The following SLC25A36 variants were observed in gnomAD, a reference collection of about 807,000 sequenced individuals.
The protein encoded by SLC25A36 is solute carrier family 25 member 36.
A neutral mutation model predicts 35.3 loss-of-function variants in SLC25A36; 24 were observed. The ratio of observed to expected loss-of-function variants is 0.68; its 90% CI spans 0.49 to 0.96. The LOEUF (loss-of-function observed/expected upper bound fraction) is 0.96. SLC25A36 is among the 40% of genes least tolerant of loss of function. The probability of loss-of-function intolerance (pLI) is 0.00; values close to 1 mark genes in which losing one functional copy is unlikely to be tolerated. For synonymous variants in SLC25A36, 141 were observed against 132.2 expected (o/e 1.07, Z -0.46); for missense variants, 294 against 381.1 (o/e 0.77, Z 1.90).
intron 1 of SLC25A36, among the ~76,000 whole-genome samples, chr3:140,945,035 A>C (rs1251080249): frequency 6.6e-6 from 1 of 152,168 alleles, no homozygotes; most frequent in East Asian, 1.9e-4. Context: ...TGCTATTACA[A>C]AATACCAAAA....
At chr3:140,950,935 T>C (rs1261429986) in intron 1 of SLC25A36, among the ~76,000 whole-genome samples, 1 of 151,606 alleles carries the variant, frequency 6.6e-6, no homozygotes, top group Non-Finnish European at 1.5e-5. Flanking sequence ...TGTGTGTGTG[T>C]GTGTGTAAGG....
At chr3:140,958,309 A>C (rs1190006598) in intron 2 of SLC25A36, among the ~76,000 whole-genome samples, 1 of 152,098 alleles carries the variant, frequency 6.6e-6, no homozygotes, top group African/African-American at 2.4e-5. Context: ...TCATTTCATA[A>C]CTTACTCCAG....
rs1356166003 is a variant in SLC25A36 at position 140,980,512 on chromosome 3, C to A, written c.*4059C>A. Among the ~76,000 whole-genome samples the A allele has an allele frequency of 1.3e-5, 2 of 152,114 alleles. No homozygotes were observed. The highest frequency in any genetic ancestry group is 4.8e-5 in the African/African-American group (2 of 41,412). ...CTAATAGTACTCTGCACTGAAGGCA[C>A]TGGCAAAATAATGGTTAAAATTGAG... is the stretch of plus-strand genomic sequence containing the variant. On this transcript the variant is annotated 3_prime_UTR_variant, in exon 7 of 7. Coordinates refer to ENST00000324194, the MANE Select transcript of SLC25A36 (RefSeq NM_001104647.3).
Position 140,970,965 on chromosome 3 carries a change from A to T in SLC25A36, c.424A>T (p.Ile142Leu). The change falls in exon 5 of 7, where the codon ATA becomes TTA. Residue 142 changes from isoleucine to leucine, a missense_variant. Around this residue, in one of 2 missense-constraint regions of SLC25A36, gnomAD observed 185 missense variants for 201.5 expected, o/e 0.92. Coordinates refer to ENST00000324194, the MANE Select transcript of SLC25A36 (RefSeq NM_001104647.3). Reference protein sequence around the residue: ...AITATNPIWLIKTRLQLDARN... With the variant: ...AITATNPIWLLKTRLQLDARN... ...CACAGCAACCAACCCCATTTGGCTT[A>T]TAAAGACTCGGTTACAGCTTGATGC... is the stretch of plus-strand genomic sequence containing the variant. 2 of 1,529,922 alleles carry T rather than the reference A, an allele frequency of 1.3e-6. No individual in the cohort carries two copies. The highest frequency in any genetic ancestry group is 1.8e-6 in the Non-Finnish European group (2 of 1,104,518). The allele number at this position is 1,529,922 out of a possible 1,614,324, so 94.8% of individuals were successfully genotyped here.
rs149104922 is a variant in SLC25A36 at position 140,969,674 on chromosome 3, A to G, written c.386-1253A>G. 1.7e-3 allele frequency among the ~76,000 whole-genome samples: 254 copies of G among 152,006 alleles called. 3 individuals are homozygous for G. In the East Asian group the frequency reaches 0.019, roughly 12 times the overall value. ...TGTGAGACCAAATTCAGCTTTGGAA[A>G]CAATTTAGTGTAATTATTTTGCATA... On this transcript the variant is annotated intron_variant, in intron 4 of 6. Coordinates refer to ENST00000324194, the MANE Select transcript of SLC25A36 (RefSeq NM_001104647.3).
At chr3:140,962,659 T>C (rs535086354) in intron 3 of SLC25A36, among the ~76,000 whole-genome samples, 1 of 152,148 alleles carries the variant, frequency 6.6e-6, no homozygotes, top group East Asian at 1.9e-4. Flanking sequence ...AATTATATGT[T>C]AAGTGCTCAT....
Position 140,942,012 on chromosome 3 carries a change from T to G in SLC25A36, c.-43T>G. 8.4e-7 allele frequency: 1 copy of G among 1,188,494 alleles called. No individual in the cohort carries two copies. The highest frequency in any genetic ancestry group is 1.2e-6 in the Non-Finnish European group (1 of 828,944). The allele number at this position is 1,188,494 out of a possible 1,614,324, so 73.6% of individuals were successfully genotyped here. On this transcript the variant is annotated 5_prime_UTR_variant, in exon 1 of 7. Transcript: ENST00000324194. ...CCGCCTGCCGTAGCGGGCGGCCAGATCCGCGTCCCGCCTCAGCGGCCGGAG... is the reference window on the plus strand; with the variant it reads ...CCGCCTGCCGTAGCGGGCGGCCAGAGCCGCGTCCCGCCTCAGCGGCCGGAG...
intron 1 of SLC25A36, among the ~76,000 whole-genome samples, chr3:140,950,918 C>CTGTGTGTGTGTGTGTG (rs373375551): frequency 3.7e-4 from 51 of 136,460 alleles, no homozygotes; most frequent in African/African-American, 1.3e-3. Context: ...GTCTGTGTGT[C>CTGTGTGTGTGTGTGTG]TGTGTGTGTG....
intron 4 of SLC25A36, chr3:140,966,414 C>A: frequency 3.8e-6 from 1 of 261,590 alleles, no homozygotes; most frequent in Non-Finnish European, 7.9e-6. Flanking sequence ...ATATTACTGG[C>A]CATAGTGCAA....
rs1488444032 is a variant in SLC25A36 at position 140,976,482 on chromosome 3, AAG to A, written c.*31_*32del. ...CACGAGGACTGCTGTACTGCAAAAA[AAG>A]AAGACCAAAAGATTACAGTGGACCA... is the stretch of plus-strand genomic sequence containing the variant. On this transcript the variant is annotated 3_prime_UTR_variant, in exon 7 of 7. Coordinates refer to ENST00000324194, the MANE Select transcript of SLC25A36 (RefSeq NM_001104647.3). 6.4e-7 allele frequency: 1 copy of A among 1,563,308 alleles called. No individual in the cohort carries two copies. Among genetic ancestry groups the A allele is most frequent in the Admixed American group, 2.0e-5 (1 of 49,432 alleles).
chr3:140,946,633 T>C (rs72991039), intron 1 of SLC25A36, among the ~76,000 whole-genome samples: 4,719 of 152,178 alleles, frequency 0.031, 235 homozygotes, highest in African/African-American at 0.11. Context: ...TTTTGACATA[T>C]TGAATGCAGA....
At position 140,976,780 on chromosome 3, in the gene SLC25A36, A is replaced by G. The variant is rs1935059946; in HGVS notation, c.*327A>G. On this transcript the variant is annotated 3_prime_UTR_variant, in exon 7 of 7. Transcript: ENST00000324194. ...AGTCTTCTAAACAAAGCCATCCTTA[A>G]TTTTACATACTGTATTGTAACTATC... The G allele has an allele frequency of 5.2e-6, 1 of 191,426 alleles. No individual in the cohort carries two copies. The highest frequency in any genetic ancestry group is 1.6e-4 in the South Asian group (1 of 6,242). The allele number at this position is 191,426 out of a possible 1,614,324, so 11.9% of individuals were successfully genotyped here.
rs56048310 is a variant in SLC25A36 at position 140,980,710 on chromosome 3, A to AT, written c.*4257_*4258insT. On this transcript the variant is annotated 3_prime_UTR_variant, in exon 7 of 7. Coordinates refer to ENST00000324194, the MANE Select transcript of SLC25A36 (RefSeq NM_001104647.3). The stretch of plus-strand genomic sequence containing the variant: ...GTTCCCCCTGCCCCCCCCCCCTTTT[A>AT]ATATATATACACGGAGCTTCACTCT... Among the ~76,000 whole-genome samples the AT allele has an allele frequency of 5.0e-5, 6 of 120,230 alleles. No homozygotes were observed. The highest frequency in any genetic ancestry group is 2.6e-4 in the East Asian group (1 of 3,824). 78.9% of individuals were successfully genotyped at this position (120,230 alleles called of 152,430 possible). A position where few individuals can be genotyped will look rare whatever the true frequency, so the allele number is the denominator to read the frequency against.
At chr3:140,976,128 A>G in intron 6 of SLC25A36, 132 bp from the exon 7 acceptor site, 1 of 596,578 alleles carries the variant, frequency 1.7e-6, no homozygotes, top group Non-Finnish European at 2.8e-6. Context: ...GGTTTCAATA[A>G]GCTACACATT....
intron 1 of SLC25A36, among the ~76,000 whole-genome samples, chr3:140,946,057 A>G (rs1256726195): frequency 6.6e-6 from 1 of 152,204 alleles, no homozygotes; most frequent in African/African-American, 2.4e-5. Flanking sequence ...GCTAACCTTT[A>G]AGAACCTACC....
intron 1 of SLC25A36, among the ~76,000 whole-genome samples, chr3:140,950,396 A>G (rs1161375186): frequency 2.0e-5 from 3 of 151,998 alleles, no homozygotes; most frequent in Non-Finnish European, 4.4e-5. Context: ...CTTTTGTCCC[A>G]CTGAATTCTG....
At position 140,947,814 on chromosome 3, in the gene SLC25A36, A is replaced by G. The variant is rs561880501; in HGVS notation, c.41+5719A>G. ...TATATAGATGTCCATCACCATTTCAAAAACTTGTATTGCTTCTTGTCTAAA... is the reference window on the plus strand; with the variant it reads ...TATATAGATGTCCATCACCATTTCAGAAACTTGTATTGCTTCTTGTCTAAA... On this transcript the variant is annotated intron_variant, in intron 1 of 6. Coordinates refer to ENST00000324194, the MANE Select transcript of SLC25A36 (RefSeq NM_001104647.3). Among the ~76,000 whole-genome samples, 30 of 152,358 alleles carry G rather than the reference A, an allele frequency of 2.0e-4. No individual in the cohort carries two copies. The East Asian group carries it at 5.6e-3, about 28-fold the overall frequency.
chr3:140,976,666 G>T lies in SLC25A36; in HGVS notation c.*213G>T, dbSNP rs1935056661. The T allele has an allele frequency of 8.2e-6, 3 of 366,590 alleles. No individual in the cohort carries two copies. The highest frequency in any genetic ancestry group is 1.4e-5 in the Non-Finnish European group (3 of 207,624). The allele number at this position is 366,590 out of a possible 1,614,324, so 22.7% of individuals were successfully genotyped here. On this transcript the variant is annotated 3_prime_UTR_variant, in exon 7 of 7. Transcript: ENST00000324194. ...AAAAAAAAAACCTCAGAGCCTCCAA[G>T]GAAATGCCTTTAGAAGCACTCCTCT...
intron 4 of SLC25A36, 111 bp downstream of exon 4, chr3:140,963,338 T>C (rs949638178): frequency 1.4e-6 from 1 of 700,196 alleles, no homozygotes; most frequent in African/African-American, 1.9e-5. Flanking sequence ...TTTCATTGAT[T>C]AGATGATTTT....
Sources: gnomAD v4.1 joint callset for allele counts (sites outside exome capture counted in the v4.1 genomes callset) on GRCh38, gnomAD v4.1.1 for gene constraint, gnomAD v4.1.1 regional missense constraint, MANE v1.5 for transcripts, NCBI Gene and HGNC (gene_info 2026-07-23, HGNC 2026-07-21) for gene names.